SATB2: variants seen among roughly 807,000 people sequenced by gnomAD.
SATB2 encodes the protein DNA-binding protein SATB2.
Under a neutral mutation model 73.4 loss-of-function variants are expected in SATB2, and 1 was observed. That is an observed-to-expected ratio of 0.01 (90% CI 0.00 to 0.06). SATB2 has a LOEUF of 0.06. Among genes scored for constraint, SATB2 ranks in the 10% least tolerant of loss-of-function variants. The pLI is 1.00. For synonymous variants in SATB2, 397 were observed against 367.0 expected (o/e 1.08, Z -0.93); for missense variants, 459 against 945.8 (o/e 0.49, Z 6.75).
intron 3 of SATB2, among the ~76,000 whole-genome samples, chr2:199,394,541 C>A (rs1461617770): frequency 3.3e-5 from 5 of 151,950 alleles, no homozygotes; most frequent in African/African-American, 1.2e-4. Flanking sequence ...GCCTGTAATC[C>A]CAACACTTTG....
chr2:199,273,900 G>T lies in SATB2; in HGVS notation c.1741-1228C>A, dbSNP rs537941626. Among the ~76,000 whole-genome samples, 9 of 152,232 alleles carry T rather than the reference G, an allele frequency of 5.9e-5. No homozygotes were observed. The South Asian group carries it at 1.7e-3, about 28-fold the overall frequency. ...TATGTGAGAAGGACTTTGTGGAGGG[G>T]GAGATGGAACATGAAGTCCTGATGA... On this transcript the variant is annotated intron_variant, in intron 10 of 10. Coordinates refer to ENST00000417098, the MANE Select transcript of SATB2 (RefSeq NM_001172509.2).
At chr2:199,303,351 C>A (rs1417237337) in intron 10 of SATB2, among the ~76,000 whole-genome samples, 3 of 152,044 alleles carry the variant, frequency 2.0e-5, no homozygotes, top group Non-Finnish European at 4.4e-5. Flanking sequence ...TACTTACTGC[C>A]AGAGAAGAAG....
intron 10 of SATB2, among the ~76,000 whole-genome samples, chr2:199,278,614 C>T (rs1008118038): frequency 3.3e-5 from 5 of 152,006 alleles, no homozygotes; most frequent in Non-Finnish European, 7.4e-5. Flanking sequence ...TCTGAGATAG[C>T]CAAAAATATA....
Position 199,411,301 on chromosome 2 carries a change from C to A in SATB2, c.346+22037G>T, listed in dbSNP as rs1433791990. ...CATCCTTACAAGCAGAATGTACCAT[C>A]CAGAAACTCGCCAAGTACATCTATG... On this transcript the variant is annotated intron_variant, in intron 3 of 10. Coordinates refer to ENST00000417098, the MANE Select transcript of SATB2 (RefSeq NM_001172509.2). 3.3e-5 allele frequency among the ~76,000 whole-genome samples: 5 copies of A among 152,128 alleles called. No homozygotes were observed. In the South Asian group the frequency reaches 1.0e-3, roughly 32 times the overall value.
At chr2:199,343,552 G>A (rs1348388384) in intron 7 of SATB2, among the ~76,000 whole-genome samples, 1 of 152,134 alleles carries the variant, frequency 6.6e-6, no homozygotes, top group Admixed American at 6.5e-5. Flanking sequence ...CCGGCTGTTA[G>A]TGACTACAGT....
chr2:199,334,308 A>C (rs1197350572), intron 7 of SATB2, among the ~76,000 whole-genome samples: 2 of 152,206 alleles, frequency 1.3e-5, no homozygotes. Flanking sequence ...GATGACACTC[A>C]TCTTCAGAAA....
intron 3 of SATB2, among the ~76,000 whole-genome samples, chr2:199,420,076 A>C (rs1327406129): frequency 6.6e-6 from 1 of 152,186 alleles, no homozygotes; most frequent in Non-Finnish European, 1.5e-5. Flanking sequence ...TGGCTAAGCC[A>C]CTGTCTCAAG....
chr2:199,323,488 C>T (rs895059791), intron 9 of SATB2, among the ~76,000 whole-genome samples: 6 of 147,748 alleles, frequency 4.1e-5, no homozygotes, highest in African/African-American at 1.0e-4. Context: ...CACACACACA[C>T]ACACACACAC....
At chr2:199,331,581 C>A (rs1688191894) in intron 7 of SATB2, among the ~76,000 whole-genome samples, 1 of 152,128 alleles carries the variant, frequency 6.6e-6, no homozygotes, top group South Asian at 2.1e-4. Flanking sequence ...CAGACATTTT[C>A]AATAACAAGT....
intron 6 of SATB2, among the ~76,000 whole-genome samples, chr2:199,350,707 G>C (rs1323805094): frequency 6.6e-6 from 1 of 152,090 alleles, no homozygotes; most frequent in African/African-American, 2.4e-5. Flanking sequence ...GACATGTACA[G>C]TGCTTTTTCC....
At chr2:199,338,708 G>A (rs1470809861) in intron 7 of SATB2, among the ~76,000 whole-genome samples, 1 of 151,998 alleles carries the variant, frequency 6.6e-6, no homozygotes, top group African/African-American at 2.4e-5. Flanking sequence ...CCTGAGCTCA[G>A]GAATTCTAGA....
chr2:199,323,609 T>A (rs1687951195), intron 9 of SATB2, among the ~76,000 whole-genome samples, 194 bp downstream of exon 9: 1 of 150,080 alleles, frequency 6.7e-6, no homozygotes, highest in African/African-American at 2.5e-5. Context: ...AGAAAAAAGG[T>A]CAAGTTTTGG....
At position 199,321,973 on chromosome 2, in the gene SATB2, G is replaced by A. The variant is rs530836210; in HGVS notation, c.1542+1830C>T. ...AACTATGTTCTTCTCCAAATTCTAC[G>A]AAATCAGGGCTACTGATTTCTTCAG... On this transcript the variant is annotated intron_variant, in intron 9 of 10. Coordinates refer to ENST00000417098, the MANE Select transcript of SATB2 (RefSeq NM_001172509.2). 2.6e-5 allele frequency among the ~76,000 whole-genome samples: 4 copies of A among 152,170 alleles called. No homozygotes were observed. In the South Asian group the frequency reaches 6.2e-4, roughly 24 times the overall value.
At chr2:199,293,159 T>C (rs1198836202) in intron 10 of SATB2, among the ~76,000 whole-genome samples, 1 of 152,170 alleles carries the variant, frequency 6.6e-6, no homozygotes, top group Admixed American at 6.5e-5. Flanking sequence ...GGAACAGCCT[T>C]TTCTAGGTTC....
chr2:199,444,598 T>C (rs976141663), intron 2 of SATB2, among the ~76,000 whole-genome samples: 3 of 152,138 alleles, frequency 2.0e-5, no homozygotes, highest in Admixed American at 1.3e-4. Context: ...TTCAAAACAG[T>C]TCTATTCTGA....
rs1037321573 is a variant in SATB2, at chr2:199,463,535, C to T, written c.-141+1301G>A. ...CGAGCCCGGGTCACTGCCCGGGTCCCGGCCCGGAGCCCCAGCGTCCTCTCC... is the reference window on the plus strand; with the variant it reads ...CGAGCCCGGGTCACTGCCCGGGTCCTGGCCCGGAGCCCCAGCGTCCTCTCC... On this transcript the variant is annotated intron_variant, in intron 1 of 11. Transcript: ENST00000260926. The surrounding 1 kb of genome is among the most constrained non-coding windows in gnomAD (Gnocchi z 6.4). Among the ~76,000 whole-genome samples, 5 of 152,212 alleles carry T rather than the reference C, an allele frequency of 3.3e-5. No homozygotes were observed. Among genetic ancestry groups the T allele is most frequent in the Non-Finnish European group, 7.3e-5 (5 of 68,040 alleles).
rs1692233191 is a variant in SATB2, at chr2:199,455,018, T to G, written c.169+851A>C. Among the ~76,000 whole-genome samples the G allele has an allele frequency of 6.6e-6, 1 of 152,206 alleles. No homozygotes were observed. The highest frequency in any genetic ancestry group is 6.5e-5 in the Admixed American group (1 of 15,276). On this transcript the variant is annotated intron_variant, in intron 2 of 10. Coordinates refer to ENST00000417098, the MANE Select transcript of SATB2 (RefSeq NM_001172509.2). The surrounding 1 kb of genome is among the most constrained non-coding windows in gnomAD (Gnocchi z 4.1). The stretch of plus-strand genomic sequence containing the variant: ...AGAAAACCTGCATGCCATGTGGAAT[T>G]GTGGATTTTACATGTAAAAGACAAC...
At chr2:199,398,845 C>T (rs1690381872) in intron 3 of SATB2, among the ~76,000 whole-genome samples, 1 of 152,274 alleles carries the variant, frequency 6.6e-6, no homozygotes, top group African/African-American at 2.4e-5. Context: ...TAAAGACTCA[C>T]AGAATGAAGA....
At chr2:199,303,437 G>C (rs1393464969) in intron 10 of SATB2, among the ~76,000 whole-genome samples, 1 of 152,090 alleles carries the variant, frequency 6.6e-6, no homozygotes, top group Non-Finnish European at 1.5e-5. Flanking sequence ...TATTATTACT[G>C]GGTTTTTTAA....
Sources: allele counts gnomAD v4.1 joint callset (sites outside exome capture counted in the v4.1 genomes callset), GRCh38; gene constraint gnomAD v4.1.1; non-coding constraint Gnocchi (gnomAD v3.1); transcripts MANE v1.5; gene names NCBI Gene and HGNC (gene_info 2026-07-23, HGNC 2026-07-21).